Variants in FAM13B observed in about 807,000 individuals in gnomAD.
FAM13B encodes the protein protein FAM13B.
FAM13B carries 60 observed loss-of-function variants against 117.3 expected under a neutral mutation model. That is an observed-to-expected ratio of 0.51 (90% CI 0.42 to 0.63). The LOEUF (loss-of-function observed/expected upper bound fraction) is 0.63. Among genes scored for constraint, FAM13B ranks in the 30% least tolerant of loss-of-function variants. The pLI, the probability that FAM13B is intolerant of heterozygous loss-of-function variation, is 0.00. For missense variants in FAM13B, 972 were observed against 1,091.9 expected, an observed-to-expected ratio of 0.89 and a Z score of 1.55; for synonymous variants, 332 against 356.1, an observed-to-expected ratio of 0.93 and a Z score of 0.76.
intron 7 of FAM13B, among the ~76,000 whole-genome samples, chr5:137,989,788 A>G (rs1046073932): frequency 1.3e-5 from 2 of 152,104 alleles, no homozygotes; most frequent in Admixed American, 6.6e-5. Flanking sequence ...GTGCCACTGC[A>G]CTCCTGCCTG....
At position 137,943,038 on chromosome 5, in the gene FAM13B, C is replaced by T; in HGVS notation, c.2425G>A (p.Glu809Lys). 3.7e-6 allele frequency: 6 copies of T among 1,612,658 alleles called. No individual in the cohort carries two copies. Among genetic ancestry groups the T allele is most frequent in the Non-Finnish European group, 5.1e-6 (6 of 1,179,478 alleles). Residue 809 changes from glutamate to lysine, a missense_variant and splice_region_variant, in exon 22 of 24, where the codon GAG (glutamate) becomes AAG (lysine). Transcript: ENST00000689681. ...ETAHFFEEIK[E>K]EEEDGVNLSS... ...AGATTAACACCATCTTCTTCTTCCT[C>T]CTAAAAAGATATCCAAACAGAGAAT... is the stretch of plus-strand genomic sequence containing the variant.
At position 137,959,599 on chromosome 5, in the gene FAM13B, C is replaced by T. The variant is rs779867687; in HGVS notation, c.1441+17G>A. 25 of 1,612,872 alleles carry T rather than the reference C, an allele frequency of 1.6e-5. No homozygotes were observed. The highest frequency in any genetic ancestry group is 8.3e-5 in the Admixed American group (5 of 59,974). ...AAGTAACATTATCAGGAAAATAATG[C>T]GTGTGGGTAAAATTACCTTCCCATT... On this transcript the variant is annotated intron_variant, in intron 13 of 23. Coordinates refer to ENST00000689681, the MANE Select transcript of FAM13B (RefSeq NM_001385994.1).
chr5:138,048,715 A>T (rs953315650), intron 1 of FAM13B, among the ~76,000 whole-genome samples: 1 of 152,204 alleles, frequency 6.6e-6, no homozygotes, highest in South Asian at 2.1e-4. Context: ...CAAGCCAAGT[A>T]GAAGGTATAT....
In FAM13B at chr5:137,961,867, C is replaced by T. The variant is rs150988342; in HGVS notation, c.1244+538G>A. ...TCTAGAAAGCTTCTATTCAAAGAGG[C>T]TATCTATTGAGACTCTACATTAGTC... is the stretch of plus-strand genomic sequence containing the variant. On this transcript the variant is annotated intron_variant, in intron 11 of 23. Transcript: ENST00000689681. 1.3e-3 allele frequency among the ~76,000 whole-genome samples: 189 copies of T among 143,604 alleles called. 4 individuals carry two copies. Among genetic ancestry groups the T allele is most frequent in the Middle Eastern group, 0.011 (3 of 282 alleles). The allele number at this position is 143,604 out of a possible 152,430, so 94.2% of individuals were successfully genotyped here. A position where few individuals can be genotyped will look rare whatever the true frequency, so the allele number is the denominator to read the frequency against.
chr5:137,945,841 T>C (rs1581047721), intron 20 of FAM13B, 61 bp downstream of exon 20: 1 of 1,246,596 alleles, frequency 8.0e-7, no homozygotes, highest in Non-Finnish European at 1.2e-6. Flanking sequence ...AATAATAATT[T>C]TTTTTGGGAA....
chr5:137,984,675 G>A (rs1336603607), intron 10 of FAM13B, among the ~76,000 whole-genome samples: 1 of 152,090 alleles, frequency 6.6e-6, no homozygotes, highest in African/African-American at 2.4e-5. Flanking sequence ...AAATACGGAA[G>A]CTGTCTTAAA....
intron 7 of FAM13B, among the ~76,000 whole-genome samples, chr5:138,002,760 G>C (rs1354962567): frequency 1.3e-5 from 2 of 148,334 alleles, no homozygotes; most frequent in African/African-American, 5.0e-5. Flanking sequence ...CTGCCTCCCG[G>C]GTTCACGCCA....
intron 2 of FAM13B, 175 bp downstream of exon 2, chr5:138,020,856 G>A (rs925112349): frequency 2.7e-6 from 1 of 365,194 alleles, no homozygotes; most frequent in African/African-American, 2.1e-5. Flanking sequence ...CTTAAGGATA[G>A]CAAAATGCCA....
In FAM13B at chr5:137,946,313, T is replaced by G. The variant is rs1280517091; in HGVS notation, c.2161-2A>C. 1 of 1,526,966 alleles carries G rather than the reference T, an allele frequency of 6.5e-7. No individual in the cohort carries two copies. The allele number at this position is 1,526,966 out of a possible 1,614,324, so 94.6% of individuals were successfully genotyped here. On this transcript the variant is annotated splice_acceptor_variant, in intron 18 of 23. Transcript: ENST00000689681. LOFTEE classifies it high-confidence loss of function. The stretch of plus-strand genomic sequence containing the variant: ...TACCAAATGATCTTTGGTCATTTTC[T>G]GGAATTAAACAAAAAAAATAACAAA...
chr5:137,966,488 TAG>T (rs57142324), intron 10 of FAM13B, among the ~76,000 whole-genome samples: 2,249 of 29,166 alleles, frequency 0.077, 65 homozygotes, highest in South Asian at 0.21. Flanking sequence ...TATATATATA[TAG>T]AGAGAGAGAG....
At chr5:138,032,084 T>C (rs560241490) in intron 1 of FAM13B, among the ~76,000 whole-genome samples, 1 of 152,332 alleles carries the variant, frequency 6.6e-6, no homozygotes, top group East Asian at 1.9e-4. Context: ...GTCAGTTTGA[T>C]TTTAACTGAT....
At chr5:138,034,186 G>A (rs1260859882), upstream of FAM13B, 2 of 152,168 alleles carry the variant, frequency 1.3e-5, no homozygotes, top group Non-Finnish European at 2.9e-5. Context: ...AGGCTCCCAG[G>A]AACTCTGTCC....
chr5:137,979,883 C>T (rs1397312408), intron 10 of FAM13B, among the ~76,000 whole-genome samples: 3 of 151,732 alleles, frequency 2.0e-5, no homozygotes, highest in African/African-American at 7.3e-5. Context: ...TTAAATCGAC[C>T]AGGCACGGTG....
chr5:137,946,079 A>C, intron 19 of FAM13B, 82 bp from the exon 20 acceptor site: 1 of 1,346,964 alleles, frequency 7.4e-7, no homozygotes, highest in Admixed American at 2.0e-5. Context: ...TATTCGCCCA[A>C]TTTCAAATTT....
At chr5:137,979,710 A>C (rs757522863) in intron 10 of FAM13B, among the ~76,000 whole-genome samples, 12 of 152,068 alleles carry the variant, frequency 7.9e-5, no homozygotes, top group Admixed American at 5.9e-4. Flanking sequence ...GCCCTATAAA[A>C]AGCCAAGTTC....
rs1242426272 is a variant in FAM13B, at chr5:137,964,436, T to C, written c.1180-1967A>G. Among the ~76,000 whole-genome samples, 4 of 147,678 alleles carry C rather than the reference T, an allele frequency of 2.7e-5. No homozygotes were observed. In the East Asian group the frequency reaches 8.4e-4, roughly 31 times the overall value. On this transcript the variant is annotated intron_variant, in intron 10 of 23. Coordinates refer to ENST00000689681, the MANE Select transcript of FAM13B (RefSeq NM_001385994.1). ...CAGACCCAATATTTAAAATGAACCT[T>C]GGGGCCAGGCACAGTGGCTCACACC...
At chr5:138,007,202 C>T in intron 6 of FAM13B, 55 bp from the exon 7 acceptor site, 1 of 1,292,210 alleles carries the variant, frequency 7.7e-7, no homozygotes, top group South Asian at 1.6e-5. Flanking sequence ...GTTAACACAT[C>T]TAAGACATAC....
At chr5:137,983,815 G>A (rs1561493435) in intron 10 of FAM13B, among the ~76,000 whole-genome samples, 1 of 152,112 alleles carries the variant, frequency 6.6e-6, no homozygotes, top group East Asian at 1.9e-4. Flanking sequence ...GCAAAATGCA[G>A]TTCAGAAGTC....
intron 20 of FAM13B, among the ~76,000 whole-genome samples, chr5:137,944,913 A>T (rs1160454983): frequency 2.0e-5 from 3 of 151,914 alleles, no homozygotes; most frequent in African/African-American, 7.3e-5. Context: ...ACTCATGGAC[A>T]TAAAAAAAAG....
Sources: allele counts gnomAD v4.1 joint callset (sites outside exome capture counted in the v4.1 genomes callset), GRCh38; gene constraint gnomAD v4.1.1; transcripts MANE v1.5; gene names NCBI Gene and HGNC (gene_info 2026-07-23, HGNC 2026-07-21).